The following TG variants were observed in gnomAD, a reference collection of about 807,000 sequenced individuals.
The protein encoded by TG is thyroglobulin, also known as thyroid hormones.
Under a neutral mutation model 324.7 loss-of-function variants are expected in TG, and 270 were observed. That is an observed-to-expected ratio of 0.83 (90% confidence interval 0.75 to 0.92). The LOEUF (loss-of-function observed/expected upper bound fraction) is 0.92, where lower values mean the gene tolerates loss of function less well. Among genes scored for constraint, TG ranks in the 40% least tolerant of loss-of-function variants. TG has a pLI of 0.00. For synonymous variants in TG, 1,401 were observed against 1,327.0 expected (o/e 1.06, Z -1.21); for missense variants, 3,591 against 3,456.4 (o/e 1.04, Z -0.98).
intron 41 of TG, chr8:133,036,731 C>T (rs1313644800): frequency 1.3e-5 from 2 of 152,532 alleles, no homozygotes; most frequent in African/African-American, 4.8e-5. Context: ...CCCTGTGTGC[C>T]AAGGGTTAAA....
chr8:133,074,131 A>G (rs1342654048), intron 41 of TG, among the ~76,000 whole-genome samples: 1 of 152,086 alleles, frequency 6.6e-6, no homozygotes, highest in East Asian at 1.9e-4. Flanking sequence ...CGTTGTCCTA[A>G]ATCTCTTCCA....
chr8:133,081,599 T>G (rs1564165818), intron 41 of TG, among the ~76,000 whole-genome samples: 2 of 151,060 alleles, frequency 1.3e-5, no homozygotes, highest in South Asian at 2.1e-4. Flanking sequence ...AAAAAAAAAG[T>G]AGCCGCTTTA....
At chr8:133,086,897 G>A (rs1481553440) in intron 41 of TG, among the ~76,000 whole-genome samples, 4 of 152,144 alleles carry the variant, frequency 2.6e-5, no homozygotes, top group Admixed American at 2.0e-4. Context: ...CCCCTAACCT[G>A]TCTATAACAT....
intron 41 of TG, chr8:133,050,341 T>G: frequency 3.2e-6 from 1 of 308,978 alleles, no homozygotes; most frequent in Non-Finnish European, 6.1e-6. Context: ...GTTTCATATA[T>G]CTGAATCAGT....
At chr8:132,928,279 T>A (rs1256518748) in intron 22 of TG, among the ~76,000 whole-genome samples, 2 of 152,214 alleles carry the variant, frequency 1.3e-5, no homozygotes, top group African/African-American at 2.4e-5. Context: ...TAATTATGTT[T>A]GCAAAAAACC....
intron 35 of TG, chr8:132,995,380 G>C: frequency 1.0e-6 from 1 of 985,226 alleles, no homozygotes; most frequent in Non-Finnish European, 1.2e-6. Context: ...CTAACGTGGA[G>C]GGCAACGGTG....
chr8:132,955,381 A>G (rs913485744), intron 27 of TG, among the ~76,000 whole-genome samples: 3 of 152,188 alleles, frequency 2.0e-5, no homozygotes, highest in Admixed American at 6.5e-5. Context: ...AACCAATACT[A>G]TTCTCACAGC....
intron 45 of TG, among the ~76,000 whole-genome samples, chr8:133,122,831 C>G (rs1263767192): frequency 6.6e-6 from 1 of 152,200 alleles, no homozygotes; most frequent in Non-Finnish European, 1.5e-5. Flanking sequence ...CACCAGCTTT[C>G]TCCTGTTCAT....
intron 9 of TG, 64 bp downstream of exon 9, chr8:132,887,612 C>G (rs960641112): frequency 5.0e-6 from 8 of 1,603,870 alleles, no homozygotes; most frequent in Non-Finnish European, 6.0e-6. Context: ...TGACCCAATG[C>G]AGTACAGTAA....
chr8:133,029,703 G>A, intron 40 of TG, 118 bp from the exon 41 acceptor site: 3 of 1,244,040 alleles, frequency 2.4e-6, no homozygotes, highest in Non-Finnish European at 3.5e-6. Context: ...TACCTGTGAG[G>A]ACAAGAGCCC....
At chr8:133,017,245 A>G (rs1316669666) in intron 37 of TG, among the ~76,000 whole-genome samples, 1 of 151,958 alleles carries the variant, frequency 6.6e-6, no homozygotes, top group Non-Finnish European at 1.5e-5. Context: ...CTGAAACCCA[A>G]AAGTCCTAAA....
intron 41 of TG, among the ~76,000 whole-genome samples, chr8:133,033,858 T>C (rs1836851383): frequency 6.6e-6 from 1 of 152,252 alleles, no homozygotes; most frequent in Non-Finnish European, 1.5e-5. Flanking sequence ...ATGCTTATTA[T>C]TTTTCTAACA....
chr8:133,041,366 A>G (rs1268420652), intron 41 of TG, among the ~76,000 whole-genome samples: 1 of 152,254 alleles, frequency 6.6e-6, no homozygotes, highest in Non-Finnish European at 1.5e-5. Context: ...CAGGGCGGGC[A>G]AGCCAGGAAG....
At chr8:133,060,221 G>A (rs772871302) in intron 41 of TG, 60 of 1,612,982 alleles carry the variant, frequency 3.7e-5, no homozygotes, top group Middle Eastern at 1.6e-4. Flanking sequence ...GGAGACAGAC[G>A]GGGAAAGTCA....
chr8:132,997,922 A>C (rs980759064), intron 35 of TG, among the ~76,000 whole-genome samples: 1 of 152,190 alleles, frequency 6.6e-6, no homozygotes, highest in Non-Finnish European at 1.5e-5. Context: ...AACCCAGACC[A>C]TGAGATGAGA....
At chr8:132,992,347 C>T (rs370474955) in intron 35 of TG, among the ~76,000 whole-genome samples, 2 of 152,024 alleles carry the variant, frequency 1.3e-5, no homozygotes, top group African/African-American at 2.4e-5. Flanking sequence ...GCCTTCTGGC[C>T]GGAGGACAAA....
chr8:133,039,853 C>T (rs1837831278), intron 41 of TG: 1 of 1,401,500 alleles, frequency 7.1e-7, no homozygotes, highest in Non-Finnish European at 9.5e-7. Context: ...GGGGGGTGCT[C>T]ACCCCCCAGT....
chr8:132,961,097 G>A, intron 28 of TG, 24 bp downstream of exon 28: 1 of 1,612,700 alleles, frequency 6.2e-7, no homozygotes, highest in South Asian at 1.1e-5. Flanking sequence ...TGGAAGAGGG[G>A]GTTAGCAGGA....
In TG at chr8:133,108,536, G is replaced by A. The variant is rs117203210; in HGVS notation, c.7573-4886G>A. Among the ~76,000 whole-genome samples, 3 of 152,282 alleles carry A rather than the reference G, an allele frequency of 2.0e-5. No individual in the cohort carries two copies. The East Asian group carries it at 5.8e-4, about 29-fold the overall frequency. ...AGTTTTATGATGAGGGTAATTTGTTGTGCCCATTTTACAGATGAGGAAATA... is the reference window on the plus strand; with the variant it reads ...AGTTTTATGATGAGGGTAATTTGTTATGCCCATTTTACAGATGAGGAAATA... On this transcript the variant is annotated intron_variant, in intron 43 of 47. Coordinates refer to ENST00000220616, the MANE Select transcript of TG (RefSeq NM_003235.5).
Sources: gnomAD v4.1 joint callset for allele counts (sites outside exome capture counted in the v4.1 genomes callset) on GRCh38, gnomAD v4.1.1 for gene constraint, MANE v1.5 for transcripts, NCBI Gene and HGNC (gene_info 2026-07-23, HGNC 2026-07-21) for gene names.